The following DKC1 variants were observed in gnomAD, a reference collection of about 807,000 sequenced individuals.
DKC1 encodes dyskerin pseudouridine synthase 1.
A neutral mutation model predicts 46.7 loss-of-function variants in DKC1; 4 were observed. The ratio of observed to expected loss-of-function variants is 0.09; its 90% CI spans 0.04 to 0.20. The LOEUF (loss-of-function observed/expected upper bound fraction) is 0.20, where lower values mean the gene tolerates loss of function less well. Ranked by LOEUF, DKC1 falls within the 10% of genes least tolerant of loss-of-function variation. The pLI, the probability that DKC1 is intolerant of heterozygous loss-of-function variation, is 1.00. For synonymous variants in DKC1, 141 were observed against 142.4 expected, an observed-to-expected ratio of 0.99 and a Z score of 0.07; for missense variants, 171 against 404.2, an observed-to-expected ratio of 0.42 and a Z score of 4.95.
In DKC1 at chrX:154,762,902, G is replaced by A; in HGVS notation, c.-64G>A. 2.6e-6 allele frequency: 3 copies of A among 1,156,695 alleles called. No individual in the cohort carries two copies. The highest frequency in any genetic ancestry group is 1.9e-5 in the South Asian group (1 of 52,565). On this transcript the variant is annotated 5_prime_UTR_variant, in exon 1 of 15. Transcript: ENST00000369550. ...CAGCGCGGCCTGACGGGACCAAGGC[G>A]GCGGGAGTCTGCGGTCGTTCCCTCG... is the stretch of plus-strand genomic sequence containing the variant.
intron 1 of DKC1, among the ~76,000 whole-genome samples, chrX:154,764,193 G>A (rs908319114): frequency 3.7e-5 from 4 of 107,375 alleles, no homozygotes; most frequent in African/African-American, 1.3e-4. Context: ...AAATATGTGT[G>A]TGTATATATG....
At chrX:154,769,090 C>G in intron 8 of DKC1, 77 bp from the exon 9 acceptor site, 1 of 1,000,429 alleles carries the variant, frequency 1.0e-6, no homozygotes, top group African/African-American at 1.9e-5. Context: ...AAGTGACATT[C>G]AGTTTTAGGA....
intron 10 of DKC1, among the ~76,000 whole-genome samples, chrX:154,771,187 G>GTTTT (rs35962335): frequency 7.1e-4 from 46 of 64,458 alleles, no homozygotes; most frequent in South Asian, 3.0e-3. Flanking sequence ...TGGTGGTGGT[G>GTTTT]TTTTTTTTTT....
intron 10 of DKC1, among the ~76,000 whole-genome samples, chrX:154,771,844 A>G (rs1052226148): frequency 6.3e-5 from 7 of 111,982 alleles, no homozygotes; most frequent in Non-Finnish European, 1.3e-4. Context: ...CTTTGATAAC[A>G]CTGATTTCCT....
chrX:154,773,068 G>A, intron 10 of DKC1, 63 bp from the exon 11 acceptor site: 1 of 791,454 alleles, frequency 1.3e-6, no homozygotes, highest in Non-Finnish European at 1.9e-6. Context: ...GTAGAATTGG[G>A]GCTCATCAAT....
chrX:154,766,913 A>T, intron 5 of DKC1, 84 bp from the exon 6 acceptor site: 1 of 926,834 alleles, frequency 1.1e-6, no homozygotes, highest in Non-Finnish European at 1.6e-6. Flanking sequence ...CTGCTGTGCA[A>T]AATGGGAGTG....
chrX:154,765,729 T>C (rs782449722), intron 3 of DKC1, among the ~76,000 whole-genome samples, 178 bp from the exon 4 acceptor site: 39 of 112,833 alleles, frequency 3.5e-4, no homozygotes, highest in Non-Finnish European at 6.4e-4. Flanking sequence ...TCAACACTGT[T>C]GTAGAACACA....
Position 154,769,246 on chromosome X carries a change from G to A in DKC1, c.851G>A (p.Arg284Gln), listed in dbSNP as rs200438009. 2.5e-6 allele frequency: 3 copies of A among 1,209,432 alleles called. No homozygotes were observed. The highest frequency in any genetic ancestry group is 1.8e-5 in the African/African-American group (1 of 57,082). ...CACAAGGATGAGAGTTACCTGCGGC[G>A]AGTTGTTTACCCTTTGGAAAAGCTG... The part of the protein sequence containing the change: ...DNHKDESYLR[R>Q]VVYPLEKLLT... Residue 284 changes from arginine to glutamine, a missense_variant, in exon 9 of 15, where the codon CGA (arginine) becomes CAA (glutamine). Physicochemically the swap from Arg to Gln is conservative, Grantham distance 43. Coordinates refer to ENST00000369550, the MANE Select transcript of DKC1 (RefSeq NM_001363.5).
Position 154,763,383 on chromosome X carries a change from G to A in DKC1, c.16+402G>A, listed in dbSNP as rs782695290. ...CGGGCCGAGAAGAAAAGGAGCGGAG[G>A]GACCCCGGAGCAGGGATAGAGCTCC... is the stretch of plus-strand genomic sequence containing the variant. On this transcript the variant is annotated intron_variant, in intron 1 of 14. Coordinates refer to ENST00000369550, the MANE Select transcript of DKC1 (RefSeq NM_001363.5). 4.6e-3 allele frequency among the ~76,000 whole-genome samples: 515 copies of A among 112,488 alleles called. 1 individual carries two copies. Among genetic ancestry groups the A allele is most frequent in the Middle Eastern group, 0.014 (3 of 218 alleles).
At chrX:154,766,608 C>T in intron 5 of DKC1, 1 of 451,592 alleles carries the variant, frequency 2.2e-6, no homozygotes, top group Non-Finnish European at 3.8e-6. Flanking sequence ...AGCATGTATT[C>T]ATCAAGCTGA....
intron 3 of DKC1, 77 bp from the exon 4 acceptor site, chrX:154,765,830 A>G: frequency 1.3e-6 from 1 of 788,392 alleles, no homozygotes. Flanking sequence ...TTTGTGGGCC[A>G]CATAGTGGTA....
Position 154,774,746 on chromosome X carries a change from G to A in DKC1, c.1259+41G>A. ...TTCAGAGCCGGGGTGGGTAGAGACG[G>A]CACACTTGCTGCCTTGATGCAGGAG... On this transcript the variant is annotated intron_variant, in intron 12 of 14. Coordinates refer to ENST00000369550, the MANE Select transcript of DKC1 (RefSeq NM_001363.5). The A allele has an allele frequency of 2.8e-6, 3 of 1,081,375 alleles. No homozygotes were observed. In the East Asian group the frequency reaches 9.1e-5, roughly 33 times the overall value. The allele number at this position is 1,081,375 out of a possible 1,213,427, so 89.1% of individuals were successfully genotyped here.
chrX:154,768,465 G>A (rs1557264497), intron 8 of DKC1, 33 bp downstream of exon 8: 1 of 1,209,764 alleles, frequency 8.3e-7, no homozygotes, highest in Admixed American at 2.2e-5. Context: ...TTTTAGAGCT[G>A]GTTCTTACCA....
intron 11 of DKC1, among the ~76,000 whole-genome samples, chrX:154,773,802 C>T (rs1429497584): frequency 8.9e-6 from 1 of 112,639 alleles, no homozygotes; most frequent in Non-Finnish European, 1.9e-5. Flanking sequence ...GGCCCGTTCT[C>T]AATGAGCTGT....
intron 10 of DKC1, 49 bp downstream of exon 10, chrX:154,770,928 A>G: frequency 8.7e-7 from 1 of 1,154,987 alleles, no homozygotes; most frequent in Non-Finnish European, 1.2e-6. Flanking sequence ...GTGGTTACAT[A>G]CTAGGTGTAT....
chrX:154,776,168 C>CCAATTGCT lies in DKC1; in HGVS notation c.1339-18_1339-11dup. The CCAATTGCT allele has an allele frequency of 8.3e-7, 1 of 1,211,489 alleles. No individual in the cohort carries two copies. The highest frequency in any genetic ancestry group is 1.1e-6 in the Non-Finnish European group (1 of 895,079). On this transcript the variant is annotated intron_variant, in intron 13 of 14. Transcript: ENST00000369550. ...TTATTGCCCAAGATCTAACACTTAA[C>CCAATTGCT]CAATTGCTTTCATCTCAGCGGAAGC...
intron 14 of DKC1, 43 bp from the exon 15 acceptor site, chrX:154,776,756 T>C (rs782237156): frequency 1.7e-6 from 2 of 1,151,883 alleles, no homozygotes; most frequent in South Asian, 3.6e-5. Flanking sequence ...CATAGCTTTG[T>C]TAGTGGATGG....
chrX:154,764,210 A>G (rs1304414216), intron 1 of DKC1, among the ~76,000 whole-genome samples: 1 of 107,871 alleles, frequency 9.3e-6, no homozygotes, highest in Non-Finnish European at 1.9e-5. Context: ...TATGTATATT[A>G]TATATGTATG....
rs1236656340 is a variant in DKC1, at chrX:154,766,893, G to GCCGCTTTT, written c.449-101_449-94dup. On this transcript the variant is annotated intron_variant, in intron 5 of 14. Coordinates refer to ENST00000369550, the MANE Select transcript of DKC1 (RefSeq NM_001363.5). ...TTTTATAGAAACACAAGGTCAAACTGCCGCTTTTCCTGCTGTGCAAAATGG... is the reference window on the plus strand; with the variant it reads ...TTTTATAGAAACACAAGGTCAAACTGCCGCTTTTCCGCTTTTCCTGCTGTGCAAAATGG... 2.7e-5 allele frequency: 20 copies of GCCGCTTTT among 736,618 alleles called. No homozygotes were observed. The African/African-American group carries it at 2.9e-4, about 11-fold the overall frequency. 60.7% of individuals were successfully genotyped at this position (736,618 alleles called of 1,213,427 possible).
Sources: allele counts gnomAD v4.1 joint callset (sites outside exome capture counted in the v4.1 genomes callset), GRCh38; gene constraint gnomAD v4.1.1; transcripts MANE v1.5; gene names NCBI Gene and HGNC (gene_info 2026-07-23, HGNC 2026-07-21).